Variants in TRDN observed in about 807,000 individuals in gnomAD.
TRDN encodes triadin, also known as triadin in skeletal muscle.
TRDN carries 161 observed loss-of-function variants against 149.7 expected under a neutral mutation model. That is an observed-to-expected ratio of 1.08 (90% CI 0.95 to 1.23). The LOEUF (loss-of-function observed/expected upper bound fraction) is 1.23. Among genes scored for constraint, TRDN ranks in the 50% most tolerant of loss-of-function variants. The probability of loss-of-function intolerance (pLI) is 0.00; values close to 1 mark genes in which losing one functional copy is unlikely to be tolerated. For missense variants in TRDN, 896 were observed against 823.5 expected, an observed-to-expected ratio of 1.09 and a Z score of -1.08; for synonymous variants, 294 against 250.5, an observed-to-expected ratio of 1.17 and a Z score of -1.64.
intron 12 of TRDN, among the ~76,000 whole-genome samples, chr6:123,396,433 G>A (rs180934389): frequency 1.2e-3 from 178 of 151,916 alleles, no homozygotes; most frequent in Non-Finnish European, 1.6e-3. Flanking sequence ...CTGTGTTTTT[G>A]GAAATAAAGT....
rs72976521 is a variant in TRDN at position 123,403,006 on chromosome 6, G to A, written c.1052-9329C>T. On this transcript the variant is annotated intron_variant, in intron 12 of 40. Transcript: ENST00000334268. ...ATATTGAGTAGACATTTGAAGAAAGGAGGGTCCTTGAAAAGATATGGAGAT... is the reference window on the plus strand; with the variant it reads ...ATATTGAGTAGACATTTGAAGAAAGAAGGGTCCTTGAAAAGATATGGAGAT... 9.1e-3 allele frequency among the ~76,000 whole-genome samples: 1,385 copies of A among 152,290 alleles called. 12 individuals are homozygous for A. Among genetic ancestry groups the A allele is most frequent in the Non-Finnish European group, 0.015 (1,047 of 68,028 alleles).
intron 9 of TRDN, chr6:123,488,918 C>T (rs1778088561): frequency 6.6e-6 from 1 of 152,066 alleles, no homozygotes; most frequent in African/African-American, 2.4e-5. Flanking sequence ...ATTCTTTCAT[C>T]TGTAAAACAT....
chr6:123,513,187 C>T (rs911124424), intron 6 of TRDN, among the ~76,000 whole-genome samples: 1 of 152,094 alleles, frequency 6.6e-6, no homozygotes, highest in Non-Finnish European at 1.5e-5. Context: ...GGTACCTCCA[C>T]TACCACTTGG....
chr6:123,354,296 T>C (rs919084197), intron 20 of TRDN, among the ~76,000 whole-genome samples: 1 of 151,820 alleles, frequency 6.6e-6, no homozygotes, highest in African/African-American at 2.4e-5. Flanking sequence ...TTCTTTTTGT[T>C]AAAAATGCAG....
intron 1 of TRDN, among the ~76,000 whole-genome samples, chr6:123,585,746 C>T (rs1462390973): frequency 6.6e-6 from 1 of 152,012 alleles, no homozygotes; most frequent in Admixed American, 6.6e-5. Flanking sequence ...ATTTCTGGCA[C>T]TTGTAGCAAG....
At chr6:123,376,884 TAC>T (rs144286586) in intron 18 of TRDN, among the ~76,000 whole-genome samples, 5 of 150,510 alleles carry the variant, frequency 3.3e-5, no homozygotes, top group East Asian at 1.9e-4. Flanking sequence ...TGATCACCCA[TAC>T]ACACACACAC....
chr6:123,420,534 AGACT>A (rs1773854036), intron 12 of TRDN, among the ~76,000 whole-genome samples: 2 of 152,240 alleles, frequency 1.3e-5, no homozygotes, highest in Admixed American at 6.5e-5. Flanking sequence ...ACAGCAGAGG[AGACT>A]GGGAATACAA....
rs536541742 is a variant in TRDN, at chr6:123,450,005, GACAA to G, written c.932-11006_932-11003del. 2.2e-3 allele frequency among the ~76,000 whole-genome samples: 330 copies of G among 152,250 alleles called. 1 individual carries two copies. The highest frequency in any genetic ancestry group is 7.6e-3 in the African/African-American group (316 of 41,536). Reference sequence around the variant, plus strand: ...TGAAGGAAAGATGAAGTCTTTTTCAGACAAACAAATACTGAGAGAATTCGCCATT... The same window carrying G: ...TGAAGGAAAGATGAAGTCTTTTTCAGACAAATACTGAGAGAATTCGCCATT... On this transcript the variant is annotated intron_variant, in intron 10 of 40. Coordinates refer to ENST00000334268, the MANE Select transcript of TRDN (RefSeq NM_006073.4).
At chr6:123,518,434 G>A (rs772303961) in intron 5 of TRDN, among the ~76,000 whole-genome samples, 1 of 152,126 alleles carries the variant, frequency 6.6e-6, no homozygotes, top group Non-Finnish European at 1.5e-5. Context: ...AAGTTTGTGT[G>A]AGATAAGCTG....
intron 1 of TRDN, among the ~76,000 whole-genome samples, chr6:123,601,170 C>T (rs115769235): frequency 0.017 from 2,599 of 152,100 alleles, 83 homozygotes; most frequent in African/African-American, 0.059. Context: ...TATGCATATC[C>T]ATTTTTAATA....
chr6:123,622,941 T>A (rs1325888677), intron 1 of TRDN, among the ~76,000 whole-genome samples: 1 of 152,162 alleles, frequency 6.6e-6, no homozygotes, highest in Non-Finnish European at 1.5e-5. Context: ...CTATTTAGCT[T>A]GTGTAAAACT....
intron 1 of TRDN, among the ~76,000 whole-genome samples, chr6:123,608,955 T>TC (rs1292466074): frequency 4.6e-5 from 7 of 151,868 alleles, no homozygotes; most frequent in Non-Finnish European, 1.0e-4. Context: ...GGCAGATCAC[T>TC]TGAGGTCAGG....
At chr6:123,472,105 A>G (rs9490779) in intron 9 of TRDN, among the ~76,000 whole-genome samples, 5,928 of 152,312 alleles carry the variant, frequency 0.039, 337 homozygotes, top group African/African-American at 0.12. Context: ...GAACAGCTCC[A>G]GTCTACAGCT....
intron 12 of TRDN, among the ~76,000 whole-genome samples, chr6:123,398,474 T>G (rs1355328127): frequency 3.3e-5 from 5 of 152,194 alleles, no homozygotes; most frequent in African/African-American, 1.2e-4. Flanking sequence ...TTGCATAAGA[T>G]AGTGGAAACT....
intron 10 of TRDN, among the ~76,000 whole-genome samples, chr6:123,443,845 T>C (rs902325940): frequency 2.6e-5 from 4 of 150,974 alleles, no homozygotes; most frequent in Non-Finnish European, 4.4e-5. Context: ...TGCGGCGTTA[T>C]TTCTGAGGGC....
rs766238826 is a variant in TRDN, at chr6:123,548,581, A to T, written c.264T>A (p.Pro88=). ...CCATAGCATCACGTACCAGTTTTAA[A>T]GGATCTGAGCCAATCTTGGCAATAG... The part of the protein sequence containing the change: ...ASSIAKIGSD[P]LKLVRDAMEE... The change falls in exon 3 of 41, where the codon CCT becomes CCA. Residue 88 remains proline, a synonymous_variant. Transcript: ENST00000334268. 6.5e-7 allele frequency: 1 copy of T among 1,541,982 alleles called. No individual in the cohort carries two copies. Among genetic ancestry groups the T allele is most frequent in the East Asian group, 2.4e-5 (1 of 41,984 alleles).
intron 20 of TRDN, among the ~76,000 whole-genome samples, chr6:123,355,140 T>G (rs147331093): frequency 3.3e-4 from 50 of 151,750 alleles, no homozygotes; most frequent in African/African-American, 1.1e-3. Context: ...TTGATTTGTA[T>G]GCATCTGTAA....
At chr6:123,437,914 A>C (rs537775524) in intron 12 of TRDN, 149 bp downstream of exon 12, 1 of 651,060 alleles carries the variant, frequency 1.5e-6, no homozygotes, top group East Asian at 2.9e-5. Flanking sequence ...TGCCTGTTTA[A>C]CTTTGTCTAG....
chr6:123,521,403 C>A (rs190852272), intron 5 of TRDN, among the ~76,000 whole-genome samples: 1 of 151,980 alleles, frequency 6.6e-6, no homozygotes, highest in East Asian at 1.9e-4. Flanking sequence ...AGAGGGAATG[C>A]ATATCCTGTG....
Sources: allele counts gnomAD v4.1 joint callset (sites outside exome capture counted in the v4.1 genomes callset), GRCh38; gene constraint gnomAD v4.1.1; transcripts MANE v1.5; gene names NCBI Gene and HGNC (gene_info 2026-07-23, HGNC 2026-07-21).